OR8B2: variants seen among roughly 807,000 people sequenced by gnomAD.
OR8B2 encodes the protein olfactory receptor 8B2.
For synonymous variants in OR8B2, 98 were observed against 138.2 expected, an observed-to-expected ratio of 0.71 and a Z score of 2.04; for missense variants, 304 against 379.6, an observed-to-expected ratio of 0.80 and a Z score of 1.65.
upstream of OR8B2, among the ~76,000 whole-genome samples, chr11:124,385,419 G>A (rs1235882593): frequency 2.6e-5 from 4 of 151,920 alleles, no homozygotes; most frequent in Non-Finnish European, 5.9e-5. Flanking sequence ...TAGGACAATA[G>A]CAAAATCAGG....
At chr11:124,393,296 A>G in the OR8B2 span, among the ~76,000 whole-genome samples, 1 of 144,114 alleles carries the variant, frequency 6.9e-6, no homozygotes, top group Non-Finnish European at 1.5e-5. Context: ...CTTCTGCACA[A>G]CAAAAGAAAC....
upstream of OR8B2, among the ~76,000 whole-genome samples, chr11:124,385,106 A>G (rs1449494418): frequency 1.3e-5 from 2 of 152,154 alleles, no homozygotes; most frequent in Non-Finnish European, 1.5e-5. Context: ...TTTGTGTAAC[A>G]TAGAATGATC....
chr11:124,393,268 T>G, the OR8B2 span, among the ~76,000 whole-genome samples: 1 of 141,068 alleles, frequency 7.1e-6, no homozygotes, highest in Non-Finnish European at 1.5e-5. Context: ...ACAAATGGGA[T>G]CTAATTAAAT....
the OR8B2 span, among the ~76,000 whole-genome samples, chr11:124,389,984 G>A: frequency 5.9e-5 from 9 of 152,246 alleles, no homozygotes; most frequent in Admixed American, 1.3e-4. Context: ...CCCAGAACTC[G>A]TGGAAAAATA....
chr11:124,395,368 A>C, the OR8B2 span, among the ~76,000 whole-genome samples: 1 of 152,318 alleles, frequency 6.6e-6, no homozygotes, highest in East Asian at 1.9e-4. Context: ...TGAACAGGAA[A>C]AGAATTCGAC....
chr11:124,395,884 C>A, the OR8B2 span: 1 of 152,646 alleles, frequency 6.6e-6, no homozygotes, highest in Non-Finnish European at 1.5e-5. Context: ...CAAGAAAAGT[C>A]AGAATAATAA....
At chr11:124,385,813 T>C (rs1860690143), upstream of OR8B2, among the ~76,000 whole-genome samples, 1 of 151,796 alleles carries the variant, frequency 6.6e-6, no homozygotes, top group South Asian at 2.1e-4. Context: ...TAATTTTTTG[T>C]AGGGATAGGG....
upstream of OR8B2, among the ~76,000 whole-genome samples, chr11:124,386,411 C>A: frequency 9.3e-6 from 1 of 107,846 alleles, no homozygotes; most frequent in African/African-American, 3.7e-5. Context: ...TCCCCCCTCC[C>A]CCCACCCCAC....
At chr11:124,383,384 A>G (rs763572804) in intron 1 of OR8B2, 24 bp from the exon 2 acceptor site, 2 of 1,506,806 alleles carry the variant, frequency 1.3e-6, no homozygotes, top group South Asian at 1.3e-5. Flanking sequence ...AGAAAATTCT[A>G]TTAGGAACAC....
At chr11:124,394,172 C>A in the OR8B2 span, among the ~76,000 whole-genome samples, 2 of 150,828 alleles carry the variant, frequency 1.3e-5, no homozygotes, top group Non-Finnish European at 2.9e-5. Context: ...TTAATGGGTG[C>A]AGCACACCAG....
In OR8B2 at chr11:124,382,945, C is replaced by T. The variant is rs1228722607; in HGVS notation, c.399G>A (p.Lys133=). ...YVAICNPLLY[K]VTMSHQVCSM... The stretch of plus-strand genomic sequence containing the variant: ...AACAGACCTGATGGGACATGGTGAC[C>T]TTATACAGCAATGGATTACAGATGG... Residue 133 remains lysine (K), a synonymous_variant, in exon 2 of 2, where the codon AAG becomes AAA. Transcript: ENST00000641451. The T allele has an allele frequency of 6.2e-7, 1 of 1,611,868 alleles. No individual in the cohort carries two copies. The highest frequency in any genetic ancestry group is 8.5e-7 in the Non-Finnish European group (1 of 1,178,874).
the OR8B2 span, among the ~76,000 whole-genome samples, chr11:124,393,515 TTC>T: frequency 1.5e-4 from 12 of 82,512 alleles, 1 homozygote; most frequent in Non-Finnish European, 2.6e-4. Flanking sequence ...TGAAAAAACG[TTC>T]ATCATCACTG....
At chr11:124,393,257 G>A in the OR8B2 span, among the ~76,000 whole-genome samples, 3 of 143,662 alleles carry the variant, frequency 2.1e-5, no homozygotes, top group Admixed American at 2.0e-4. Flanking sequence ...AGCCAAAATT[G>A]ACAAATGGGA....
At chr11:124,396,958 A>G in the OR8B2 span, 33 of 1,612,904 alleles carry the variant, frequency 2.0e-5, no homozygotes, top group African/African-American at 2.1e-4. Context: ...GTGACCTTAT[A>G]CAGCAATGGA....
upstream of OR8B2, among the ~76,000 whole-genome samples, chr11:124,385,041 A>G (rs1285396403): frequency 6.6e-6 from 1 of 152,208 alleles, no homozygotes; most frequent in Non-Finnish European, 1.5e-5. Context: ...AAAAGAAAAG[A>G]AAAAGAATAA....
upstream of OR8B2, among the ~76,000 whole-genome samples, chr11:124,386,233 T>C (rs1186494976): frequency 2.6e-5 from 4 of 152,036 alleles, no homozygotes; most frequent in East Asian, 1.9e-4. Flanking sequence ...TTTATTTTTT[T>C]CCCTTCTGAT....
chr11:124,385,893 A>G (rs140875880), upstream of OR8B2, among the ~76,000 whole-genome samples: 224 of 152,144 alleles, frequency 1.5e-3, no homozygotes, highest in African/African-American at 4.9e-3. Context: ...TCAGCCTCCC[A>G]AAAGTGTTGG....
chr11:124,388,580 A>C (rs553722287), upstream of OR8B2, among the ~76,000 whole-genome samples: 4 of 152,108 alleles, frequency 2.6e-5, no homozygotes. Flanking sequence ...ACTTGACCAG[A>C]TGTATTCTGC....
At chr11:124,388,247 T>G (rs1201408409), upstream of OR8B2, among the ~76,000 whole-genome samples, 1 of 141,668 alleles carries the variant, frequency 7.1e-6, no homozygotes, top group Non-Finnish European at 1.5e-5. Context: ...TGAATACCCT[T>G]TATTTCCTTC....
Sources: allele counts gnomAD v4.1 joint callset (sites outside exome capture counted in the v4.1 genomes callset), GRCh38; gene constraint gnomAD v4.1.1; transcripts MANE v1.5; gene names NCBI Gene and HGNC (gene_info 2026-07-23, HGNC 2026-07-21).